The following EDA variants were observed in gnomAD, a reference collection of about 807,000 sequenced individuals.
EDA encodes ectodysplasin A.
Under a neutral mutation model 23.6 loss-of-function variants are expected in EDA, and 2 were observed. The ratio of observed to expected loss-of-function variants is 0.08; its 90% confidence interval spans 0.03 to 0.27. The LOEUF is 0.27. EDA is among the 10% of genes least tolerant of loss of function. The pLI, the probability that EDA is intolerant of heterozygous loss-of-function variation, is 1.00. For synonymous variants in EDA, 131 were observed against 132.0 expected (o/e 0.99, Z 0.05); for missense variants, 229 against 324.2 (o/e 0.71, Z 2.26).
At chrX:69,830,701 A>G (rs1385766375) in intron 1 of EDA, among the ~76,000 whole-genome samples, 1 of 112,310 alleles carries the variant, frequency 8.9e-6, no homozygotes, top group African/African-American at 3.2e-5. Context: ...TGTGAGTAGG[A>G]CAGCATTTGA....
chrX:69,750,304 A>G (rs1263828095), intron 1 of EDA, among the ~76,000 whole-genome samples: 2 of 107,690 alleles, frequency 1.9e-5, no homozygotes, highest in Non-Finnish European at 3.8e-5. Context: ...TAGTTTGCCC[A>G]GAATGATGGT....
chrX:69,863,531 GTATA>G (rs755887733), intron 1 of EDA, among the ~76,000 whole-genome samples: 11 of 32,981 alleles, frequency 3.3e-4, no homozygotes, highest in African/African-American at 8.0e-4. Context: ...ATATGTGTGT[GTATA>G]TATATATATA....
intron 1 of EDA, among the ~76,000 whole-genome samples, chrX:69,644,150 A>G (rs553008274): frequency 1.8e-5 from 2 of 110,798 alleles, no homozygotes; most frequent in Non-Finnish European, 1.9e-5. Context: ...AAGAATGTCA[A>G]TGGTAGTTTA....
Position 69,789,177 on chromosome X carries a change from C to T in EDA, c.397-167850C>T, listed in dbSNP as rs374166484. Among the ~76,000 whole-genome samples the T allele has an allele frequency of 4.9e-4, 55 of 111,970 alleles. No individual in the cohort carries two copies. The East Asian group carries it at 0.015, about 30-fold the overall frequency. On this transcript the variant is annotated intron_variant, in intron 1 of 7. Coordinates refer to ENST00000374552, the MANE Select transcript of EDA (RefSeq NM_001399.5). ...CATGCATGGTGCGTGCACCCACTGA[C>T]CTGCGCCCACTGTCTCGCACTCCCT... is the stretch of plus-strand genomic sequence containing the variant.
intron 2 of EDA, among the ~76,000 whole-genome samples, chrX:69,976,120 T>C (rs187945190): frequency 8.9e-6 from 1 of 111,941 alleles, no homozygotes; most frequent in Admixed American, 9.5e-5. Flanking sequence ...AATACAAAAG[T>C]AATACATGCT....
At position 69,616,623 on chromosome X, in the gene EDA, C is replaced by A. The variant is rs769696957; in HGVS notation, c.315C>A (p.His105Gln). 1 of 1,211,618 alleles carries A rather than the reference C, an allele frequency of 8.3e-7. No individual in the cohort carries two copies. Among genetic ancestry groups the A allele is most frequent in the East Asian group, 3.0e-5 (1 of 33,766 alleles). The change falls in exon 1 of 8, where the codon CAC becomes CAA. Residue 105 changes from histidine (H) to glutamine (Q), a missense_variant. His to Gln is a conservative substitution (Grantham distance 24, BLOSUM62 0). Transcript: ENST00000374552. Reference protein sequence around the residue: ...GLDPDSPITSHLGQPSPKQQP... With the variant: ...GLDPDSPITSQLGQPSPKQQP... Reference sequence around the variant, plus strand: ...ACCCTGACAGCCCCATCACCAGTCACCTTGGGCAGCCGTCACCTAAGCAGC... The same window carrying A: ...ACCCTGACAGCCCCATCACCAGTCAACTTGGGCAGCCGTCACCTAAGCAGC...
intron 1 of EDA, among the ~76,000 whole-genome samples, chrX:69,904,158 G>A (rs2018144191): frequency 9.0e-6 from 1 of 111,342 alleles, no homozygotes; most frequent in Non-Finnish European, 1.9e-5. Context: ...GATCAAATCA[G>A]GGTAATTGGA....
At chrX:69,772,704 G>T (rs1225041646) in intron 1 of EDA, among the ~76,000 whole-genome samples, 1 of 110,746 alleles carries the variant, frequency 9.0e-6, no homozygotes, top group Non-Finnish European at 1.9e-5. Flanking sequence ...CCAATGTTTA[G>T]CTCCCACTTA....
At chrX:69,887,539 A>G (rs1321328524) in intron 1 of EDA, among the ~76,000 whole-genome samples, 1 of 111,726 alleles carries the variant, frequency 9.0e-6, no homozygotes, top group Non-Finnish European at 1.9e-5. Context: ...CTGTCTGAAA[A>G]CTTCAAATGT....
At chrX:69,870,801 A>G (rs2017554618) in intron 1 of EDA, among the ~76,000 whole-genome samples, 2 of 111,328 alleles carry the variant, frequency 1.8e-5, no homozygotes, top group Admixed American at 9.5e-5. Context: ...TTGTAGGTCA[A>G]CCACTCGTAT....
In EDA at chrX:69,775,563, T is replaced by C. The variant is rs766643355; in HGVS notation, c.396+158859T>C. The stretch of plus-strand genomic sequence containing the variant: ...TGTTCCCATATTCCTTTTAAGCTTA[T>C]ACAGTGACTCCAGAACACATCACAT... On this transcript the variant is annotated intron_variant, in intron 1 of 7. Transcript: ENST00000374552. Among the ~76,000 whole-genome samples the C allele has an allele frequency of 9.8e-5, 11 of 111,837 alleles. No individual in the cohort carries two copies. The East Asian group carries it at 3.1e-3, about 31-fold the overall frequency.
At chrX:69,762,987 A>G (rs775767251) in intron 1 of EDA, among the ~76,000 whole-genome samples, 8 of 112,076 alleles carry the variant, frequency 7.1e-5, no homozygotes, top group African/African-American at 2.6e-4. Flanking sequence ...ATGATTTTGG[A>G]TTAGTTGTGG....
chrX:69,948,969 C>T (rs1316005268), intron 1 of EDA, among the ~76,000 whole-genome samples: 1 of 111,450 alleles, frequency 9.0e-6, no homozygotes, highest in Non-Finnish European at 1.9e-5. Flanking sequence ...CTCATTGGTG[C>T]CAGGATGCTT....
At chrX:70,006,526 G>T (rs1434514615) in intron 2 of EDA, among the ~76,000 whole-genome samples, 2 of 111,709 alleles carry the variant, frequency 1.8e-5, no homozygotes, top group Non-Finnish European at 3.8e-5. Flanking sequence ...CTTCTTTGTT[G>T]AGGTGTCTAT....
chrX:69,878,990 A>G (rs752335167), intron 1 of EDA, among the ~76,000 whole-genome samples: 9 of 111,244 alleles, frequency 8.1e-5, no homozygotes, highest in Non-Finnish European at 1.5e-4. Context: ...TGCTGACTAT[A>G]AAAATAAATC....
chrX:69,682,919 A>G (rs1934423255), intron 1 of EDA, among the ~76,000 whole-genome samples: 1 of 111,305 alleles, frequency 9.0e-6, no homozygotes, highest in African/African-American at 3.3e-5. Flanking sequence ...TCAACATGCA[A>G]TACGTTATAG....
intron 1 of EDA, among the ~76,000 whole-genome samples, chrX:69,643,688 T>C (rs949301620): frequency 8.9e-6 from 1 of 112,149 alleles, no homozygotes; most frequent in Non-Finnish European, 1.9e-5. Context: ...TGCCCATTTC[T>C]ATGTCCTGAA....
At chrX:69,716,206 A>G (rs186757364) in intron 1 of EDA, among the ~76,000 whole-genome samples, 46 of 111,790 alleles carry the variant, frequency 4.1e-4, no homozygotes, top group African/African-American at 1.4e-3. Flanking sequence ...TTGGGGTTTT[A>G]CATTTCAGTC....
chrX:69,913,085 T>C (rs2018291948), intron 1 of EDA, among the ~76,000 whole-genome samples: 1 of 112,158 alleles, frequency 8.9e-6, no homozygotes, highest in African/African-American at 3.2e-5. Context: ...AGCATAATTC[T>C]TAAGGGCCTG....
Sources: gnomAD v4.1 joint callset for allele counts (sites outside exome capture counted in the v4.1 genomes callset) on GRCh38, gnomAD v4.1.1 for gene constraint, MANE v1.5 for transcripts, NCBI Gene and HGNC (gene_info 2026-07-23, HGNC 2026-07-21) for gene names.